ELMO1: variants seen among roughly 807,000 people sequenced by gnomAD.
ELMO1 encodes the protein engulfment and cell motility protein 1.
ELMO1 carries 26 observed loss-of-function variants against 98.9 expected under a neutral mutation model. The ratio of observed to expected loss-of-function variants is 0.26; its 90% CI spans 0.19 to 0.36. The LOEUF is 0.36. ELMO1 is among the 10% of genes least tolerant of loss of function. The pLI, the probability that ELMO1 is intolerant of heterozygous loss-of-function variation, is 1.00. For synonymous variants in ELMO1, 346 were observed against 346.0 expected (o/e 1.00, Z 0.00); for missense variants, 627 against 935.2 (o/e 0.67, Z 4.30).
At chr7:37,229,497 G>A (rs73108983) in intron 8 of ELMO1, among the ~76,000 whole-genome samples, 181 of 152,090 alleles carry the variant, frequency 1.2e-3, no homozygotes, top group Middle Eastern at 3.4e-3. Flanking sequence ...GACAGAGGCT[G>A]GCAGGGAAAA....
At chr7:37,438,678 CTACTT>C (rs1276558497) in intron 1 of ELMO1, among the ~76,000 whole-genome samples, 23 of 151,990 alleles carry the variant, frequency 1.5e-4, no homozygotes, top group African/African-American at 4.4e-4. Context: ...TTAGGGTACT[CTACTT>C]TACAATCATG....
At position 36,906,349 on chromosome 7, in the gene ELMO1, G is replaced by A. The variant is rs143994584; in HGVS notation, c.1438-11332C>T. Among the ~76,000 whole-genome samples, 869 of 152,316 alleles carry A rather than the reference G, an allele frequency of 5.7e-3. 4 individuals carry two copies. Among genetic ancestry groups the A allele is most frequent in the Non-Finnish European group, 9.1e-3 (622 of 68,026 alleles). ...CAGATCAAACTGTGTCATATTTTAA[G>A]TGGCCCATTCTTTGTTGAGAAATTG... On this transcript the variant is annotated intron_variant, in intron 16 of 21. Transcript: ENST00000310758.
chr7:37,247,343 A>G (rs1284209402), intron 6 of ELMO1, among the ~76,000 whole-genome samples: 1 of 152,192 alleles, frequency 6.6e-6, no homozygotes, highest in Non-Finnish European at 1.5e-5. Flanking sequence ...AGGTAAAACC[A>G]GTCCTAAAGT....
intron 15 of ELMO1, among the ~76,000 whole-genome samples, chr7:37,038,682 C>T (rs528210750): frequency 6.6e-6 from 1 of 152,302 alleles, no homozygotes; most frequent in East Asian, 1.9e-4. Flanking sequence ...TTTGTTCAGG[C>T]TTCAATAAAA....
chr7:37,316,044 T>TA, intron 2 of ELMO1, 84 bp from the exon 3 acceptor site: 1 of 1,094,204 alleles, frequency 9.1e-7, no homozygotes. Context: ...CATAAAAAGA[T>TA]TATCTAAGCA....
At chr7:37,289,639 CAGAA>C (rs926935958) in intron 4 of ELMO1, among the ~76,000 whole-genome samples, 5 of 152,164 alleles carry the variant, frequency 3.3e-5, no homozygotes, top group African/African-American at 1.2e-4. Flanking sequence ...GAGAGGATGC[CAGAA>C]AGAAACCCCA....
At chr7:37,248,222 A>G (rs897951983) in intron 6 of ELMO1, among the ~76,000 whole-genome samples, 11 of 151,398 alleles carry the variant, frequency 7.3e-5, no homozygotes, top group Admixed American at 6.6e-5. Context: ...GTGTGTCTCA[A>G]TATACCTATT....
At chr7:37,302,240 G>T (rs1182648973) in intron 4 of ELMO1, among the ~76,000 whole-genome samples, 1 of 152,124 alleles carries the variant, frequency 6.6e-6, no homozygotes, top group African/African-American at 2.4e-5. Context: ...AACACAGCCT[G>T]CAGACACCTC....
Position 37,136,720 on chromosome 7 carries a change from A to G in ELMO1, c.1087-3486T>C, listed in dbSNP as rs1248636571. 2.0e-5 allele frequency among the ~76,000 whole-genome samples: 3 copies of G among 151,940 alleles called. No homozygotes were observed. In the South Asian group the frequency reaches 6.2e-4, roughly 31 times the overall value. On this transcript the variant is annotated intron_variant, in intron 13 of 21. Coordinates refer to ENST00000310758, the MANE Select transcript of ELMO1 (RefSeq NM_014800.11). ...AACCAGCACTACAAGAACTGCTAAA[A>G]GGAGCTCTAAATCTTGAAACAAATC...
At chr7:36,954,774 TCTC>T (rs1420837748) in intron 16 of ELMO1, among the ~76,000 whole-genome samples, 3 of 152,202 alleles carry the variant, frequency 2.0e-5, no homozygotes, top group Non-Finnish European at 4.4e-5. Flanking sequence ...AAGAAAATGG[TCTC>T]CTCGGTCCAC....
intron 20 of ELMO1, 37 bp from the exon 21 acceptor site, chr7:36,861,773 AT>A (rs750969732): frequency 4.4e-6 from 7 of 1,600,154 alleles, no homozygotes; most frequent in Non-Finnish European, 4.3e-6. Context: ...CTTAAGGAAA[AT>A]CGGCACATTT....
chr7:37,122,068 T>C lies in ELMO1; in HGVS notation c.1191+11062A>G, dbSNP rs1786092492. Among the ~76,000 whole-genome samples, 5 of 152,100 alleles carry C rather than the reference T, an allele frequency of 3.3e-5. No homozygotes were observed. In the South Asian group the frequency reaches 1.0e-3, roughly 32 times the overall value. On this transcript the variant is annotated intron_variant, in intron 14 of 21. Coordinates refer to ENST00000310758, the MANE Select transcript of ELMO1 (RefSeq NM_014800.11). Reference sequence around the variant, plus strand: ...TAAGTGAAGAAGAAATAAAATCCTTTAGAGACAAACAAATGCTGAGAGATT... The same window carrying C: ...TAAGTGAAGAAGAAATAAAATCCTTCAGAGACAAACAAATGCTGAGAGATT...
intron 4 of ELMO1, among the ~76,000 whole-genome samples, 186 bp downstream of exon 4, chr7:37,314,664 T>C (rs1562605518): frequency 6.6e-6 from 1 of 152,222 alleles, no homozygotes; most frequent in Non-Finnish European, 1.5e-5. Context: ...TGGTCTTTAC[T>C]CTTGAGCTGG....
At chr7:37,295,013 AAT>A (rs1463804599) in intron 4 of ELMO1, among the ~76,000 whole-genome samples, 1 of 149,672 alleles carries the variant, frequency 6.7e-6, no homozygotes, top group Non-Finnish European at 1.5e-5. Flanking sequence ...AAAAAAAAAA[AAT>A]TCATCTCAAA....
intron 15 of ELMO1, among the ~76,000 whole-genome samples, chr7:37,057,280 A>G (rs1171957926): frequency 7.3e-6 from 1 of 137,668 alleles, no homozygotes; most frequent in East Asian, 2.0e-4. Flanking sequence ...ATGTGTTTTG[A>G]AAAAAAAAAC....
rs140813449 is a variant in ELMO1 at position 37,432,087 on chromosome 7, G to A, written c.-74+16588C>T. On this transcript the variant is annotated intron_variant, in intron 1 of 21. Coordinates refer to ENST00000310758, the MANE Select transcript of ELMO1 (RefSeq NM_014800.11). ...GTAGAGAAGGGATTTCTCCATGTTGGTCAGGCTGGTCTCGAACTCTTGACC... is the reference window on the plus strand; with the variant it reads ...GTAGAGAAGGGATTTCTCCATGTTGATCAGGCTGGTCTCGAACTCTTGACC... Among the ~76,000 whole-genome samples, 501 of 152,246 alleles carry A rather than the reference G, an allele frequency of 3.3e-3. 9 individuals are homozygous for A. Among genetic ancestry groups the A allele is most frequent in the African/African-American group, 0.011 (454 of 41,550 alleles).
intron 16 of ELMO1, among the ~76,000 whole-genome samples, chr7:36,973,560 C>T (rs1235658105): frequency 6.6e-6 from 1 of 152,136 alleles, no homozygotes; most frequent in Non-Finnish European, 1.5e-5. Flanking sequence ...TCTTCTAAGG[C>T]AGTGAGAGGT....
intron 16 of ELMO1, among the ~76,000 whole-genome samples, chr7:36,958,255 A>G (rs368160254): frequency 1.1e-3 from 168 of 152,270 alleles, no homozygotes; most frequent in African/African-American, 3.9e-3. Context: ...CTTAAATCCT[A>G]TTCTCTGCCT....
chr7:37,399,700 A>G (rs998602715), intron 1 of ELMO1, among the ~76,000 whole-genome samples: 2 of 152,226 alleles, frequency 1.3e-5, no homozygotes, highest in Admixed American at 6.5e-5. Context: ...CAGAAGTTCC[A>G]CCACCTAAAG....
Sources: allele counts gnomAD v4.1 joint callset (sites outside exome capture counted in the v4.1 genomes callset), GRCh38; gene constraint gnomAD v4.1.1; transcripts MANE v1.5; gene names NCBI Gene and HGNC (gene_info 2026-07-23, HGNC 2026-07-21).